The following PCDHGB4 variants were observed in gnomAD, a reference collection of about 807,000 sequenced individuals.
PCDHGB4 encodes the protein protocadherin gamma subfamily B, 4.
PCDHGB4 carries 38 observed loss-of-function variants against 60.5 expected under a neutral mutation model. The observed-to-expected ratio is 0.63, with a 90% CI of 0.48 to 0.82. The LOEUF (loss-of-function observed/expected upper bound fraction) is 0.82. Ranked by LOEUF, PCDHGB4 falls within the 40% of genes least tolerant of loss-of-function variation. The probability of loss-of-function intolerance (pLI) is 0.00; values close to 1 mark genes in which losing one functional copy is unlikely to be tolerated. For missense variants in PCDHGB4, 1,109 were observed against 1,209.6 expected, an observed-to-expected ratio of 0.92 and a Z score of 1.23; for synonymous variants, 456 against 509.7, an observed-to-expected ratio of 0.89 and a Z score of 1.42.
chr5:141,462,268 A>C (rs982301403), intron 1 of PCDHGB4, among the ~76,000 whole-genome samples: 3 of 152,196 alleles, frequency 2.0e-5, no homozygotes, highest in African/African-American at 7.2e-5. Flanking sequence ...CCTAAAGTGT[A>C]TTGTTTAGTC....
rs1286991812 is a variant in PCDHGB4 at position 141,432,170 on chromosome 5, C to T, written c.2397+41889C>T. The T allele has an allele frequency of 1.2e-6, 2 of 1,614,072 alleles. No homozygotes were observed. The highest frequency in any genetic ancestry group is 1.7e-6 in the Non-Finnish European group (2 of 1,180,036). ...AGAGAACAATCCCAGAGGAGTTTCC[C>T]TCGTCTCTGTGACCGCCCACGACCC... On this transcript the variant is annotated intron_variant, in intron 1 of 3. Coordinates refer to ENST00000519479, the MANE Select transcript of PCDHGB4 (RefSeq NM_003736.4). This position sits in a 1 kb window ranked among gnomAD's most constrained non-coding sequence, Gnocchi z 6.0.
intron 1 of PCDHGB4, among the ~76,000 whole-genome samples, chr5:141,407,531 T>C (rs757019162): frequency 3.3e-5 from 5 of 151,462 alleles, no homozygotes; most frequent in South Asian, 2.1e-4. Context: ...TAACTTATTG[T>C]GCATTGGTAA....
In PCDHGB4 at chr5:141,452,847, T is replaced by G. The variant is rs575815407; in HGVS notation, c.2398-41960T>G. Among the ~76,000 whole-genome samples, 42 of 152,304 alleles carry G rather than the reference T, an allele frequency of 2.8e-4. 1 individual carries two copies. Among genetic ancestry groups the G allele is most frequent in the Admixed American group, 2.5e-3 (38 of 15,302 alleles). ...AAATCACTTGGTCCAGCCCACACTC[T>G]GGGGAGATGATTTTCTAACTCCATT... On this transcript the variant is annotated intron_variant, in intron 1 of 3. Coordinates refer to ENST00000519479, the MANE Select transcript of PCDHGB4 (RefSeq NM_003736.4).
chr5:141,443,136 C>T (rs910953831), intron 1 of PCDHGB4, among the ~76,000 whole-genome samples: 1 of 152,160 alleles, frequency 6.6e-6, no homozygotes, highest in African/African-American at 2.4e-5. Context: ...AGAACACTAT[C>T]ATAAGTTATA....
intron 1 of PCDHGB4, chr5:141,415,748 T>TTG (rs2095929710): frequency 9.9e-7 from 1 of 1,008,886 alleles, no homozygotes; most frequent in South Asian, 2.7e-5. Context: ...AGGTTTTTTT[T>TTG]TTTTTTTTTT....
intron 1 of PCDHGB4, among the ~76,000 whole-genome samples, chr5:141,407,761 G>T (rs938743690): frequency 6.6e-6 from 1 of 152,132 alleles, no homozygotes; most frequent in Non-Finnish European, 1.5e-5. Context: ...GTATAAGTTT[G>T]AAATTGTGCA....
Position 141,476,140 on chromosome 5 carries a change from C to G in PCDHGB4, c.2398-18667C>G. On this transcript the variant is annotated intron_variant, in intron 1 of 3. Coordinates refer to ENST00000519479, the MANE Select transcript of PCDHGB4 (RefSeq NM_003736.4). This position sits in a 1 kb window ranked among gnomAD's most constrained non-coding sequence, Gnocchi z 7.6. ...AGATGGTCCCAGAGGCCTGGAGGAGCGGACTGGTAAGCACCGGGAGGGTAG... is the reference window on the plus strand; with the variant it reads ...AGATGGTCCCAGAGGCCTGGAGGAGGGGACTGGTAAGCACCGGGAGGGTAG... The G allele has an allele frequency of 2.5e-6, 4 of 1,609,222 alleles. No individual in the cohort carries two copies. Among genetic ancestry groups the G allele is most frequent in the Non-Finnish European group, 1.7e-6 (2 of 1,178,484 alleles).
Position 141,491,034 on chromosome 5 carries a change from T to G in PCDHGB4, c.2398-3773T>G, listed in dbSNP as rs375902824. 1 of 1,614,170 alleles carries G rather than the reference T, an allele frequency of 6.2e-7. No homozygotes were observed. The highest frequency in any genetic ancestry group is 8.5e-7 in the Non-Finnish European group (1 of 1,180,024). On this transcript the variant is annotated intron_variant, in intron 1 of 3. Coordinates refer to ENST00000519479, the MANE Select transcript of PCDHGB4 (RefSeq NM_003736.4). The surrounding 1 kb of genome is among the most constrained non-coding windows in gnomAD (Gnocchi z 6.9). ...CCAAGGTGACAGCCGTGGATGCTGATGCAGGCCACAATGCGTGGCTCTCCT... is the reference window on the plus strand; with the variant it reads ...CCAAGGTGACAGCCGTGGATGCTGAGGCAGGCCACAATGCGTGGCTCTCCT...
chr5:141,492,461 G>T (rs1218833302), intron 1 of PCDHGB4, among the ~76,000 whole-genome samples: 1 of 152,212 alleles, frequency 6.6e-6, no homozygotes, highest in Non-Finnish European at 1.5e-5. Flanking sequence ...CGCGCCTGAG[G>T]GTCCCAGATC....
At chr5:141,484,501 A>G (rs1185523120) in intron 1 of PCDHGB4, among the ~76,000 whole-genome samples, 2 of 152,232 alleles carry the variant, frequency 1.3e-5, no homozygotes, top group African/African-American at 4.8e-5. Flanking sequence ...GTTTCTGAAT[A>G]TTCTGCAGAA....
In PCDHGB4 at chr5:141,477,982, G is replaced by A; in HGVS notation, c.2398-16825G>A. ...CTAACCAGAGCCTTTTTGCCATAGG[G>A]CTGCACACTGGTCAAATCAGTACTG... is the stretch of plus-strand genomic sequence containing the variant. On this transcript the variant is annotated intron_variant, in intron 1 of 3. Transcript: ENST00000519479. The surrounding 1 kb of genome is among the most constrained non-coding windows in gnomAD (Gnocchi z 4.9). 6.2e-7 allele frequency: 1 copy of A among 1,614,066 alleles called. No individual in the cohort carries two copies. Among genetic ancestry groups the A allele is most frequent in the Non-Finnish European group, 8.5e-7 (1 of 1,180,014 alleles).
At chr5:141,430,179 A>G (rs2097264770) in intron 1 of PCDHGB4, among the ~76,000 whole-genome samples, 1 of 152,158 alleles carries the variant, frequency 6.6e-6, no homozygotes, top group Admixed American at 6.5e-5. Flanking sequence ...ATTTTCCCCA[A>G]ATTATAGCTG....
rs374575578 is a variant in PCDHGB4 at position 141,409,643 on chromosome 5, T to G, written c.2397+19362T>G. 4.3e-6 allele frequency: 7 copies of G among 1,613,620 alleles called. No homozygotes were observed. The African/African-American group carries it at 8.0e-5, about 18-fold the overall frequency. ...GCAAGTGAGCGCCTCTGACCCGGAT[T>G]TGGGGCTCAATGGCCACATCTCCTA... On this transcript the variant is annotated intron_variant, in intron 1 of 3. Coordinates refer to ENST00000519479, the MANE Select transcript of PCDHGB4 (RefSeq NM_003736.4).
chr5:141,435,591 T>G (rs1197622032), intron 1 of PCDHGB4, among the ~76,000 whole-genome samples: 1 of 152,206 alleles, frequency 6.6e-6, no homozygotes, highest in Admixed American at 6.5e-5. Flanking sequence ...TGCAGTAATA[T>G]CGCCTGCTTT....
intron 1 of PCDHGB4, chr5:141,400,310 G>C: frequency 6.2e-7 from 1 of 1,614,084 alleles, no homozygotes; most frequent in African/African-American, 1.3e-5. Context: ...CCTGGTCTCT[G>C]TGTCAAGTCT....
intron 2 of PCDHGB4, among the ~76,000 whole-genome samples, chr5:141,498,338 G>T (rs2237079): frequency 2.6e-5 from 4 of 151,600 alleles, no homozygotes; most frequent in Non-Finnish European, 5.9e-5. Flanking sequence ...CATTCCAAAT[G>T]GGAAAAGCCT....
chr5:141,489,971 C>A lies in PCDHGB4; in HGVS notation c.2398-4836C>A, dbSNP rs1254025468. 1 of 1,614,060 alleles carries A rather than the reference C, an allele frequency of 6.2e-7. No homozygotes were observed. The highest frequency in any genetic ancestry group is 1.3e-5 in the African/African-American group (1 of 74,944). Reference sequence around the variant, plus strand: ...AATGATAATGCTCCAACCTTCCAATCCTCAGTTCTACGTGTGGGAATCCCA... The same window carrying A: ...AATGATAATGCTCCAACCTTCCAATACTCAGTTCTACGTGTGGGAATCCCA... On this transcript the variant is annotated intron_variant, in intron 1 of 3. Transcript: ENST00000519479. The surrounding 1 kb of genome is among the most constrained non-coding windows in gnomAD (Gnocchi z 4.5).
intron 1 of PCDHGB4, among the ~76,000 whole-genome samples, chr5:141,484,122 T>C (rs1343894991): frequency 6.6e-6 from 1 of 152,180 alleles, no homozygotes; most frequent in African/African-American, 2.4e-5. Context: ...CAAGAATACC[T>C]TGGTGTCAGA....
chr5:141,494,153 G>T (rs2099752286), intron 1 of PCDHGB4, among the ~76,000 whole-genome samples: 1 of 152,186 alleles, frequency 6.6e-6, no homozygotes, highest in Non-Finnish European at 1.5e-5. Flanking sequence ...CCATTGTCTG[G>T]CACGGAGTTC....
Sources: allele counts gnomAD v4.1 joint callset (sites outside exome capture counted in the v4.1 genomes callset), GRCh38; gene constraint gnomAD v4.1.1; non-coding constraint Gnocchi (gnomAD v3.1); transcripts MANE v1.5; gene names NCBI Gene and HGNC (gene_info 2026-07-23, HGNC 2026-07-21).